The following MYL9 variants were observed in gnomAD, a reference collection of about 807,000 sequenced individuals.
MYL9 encodes myosin light chain 9, also known as myosin regulatory light polypeptide 9.
A neutral mutation model predicts 12.8 loss-of-function variants in MYL9; 7 were observed. That is an observed-to-expected ratio of 0.55 (90% confidence interval 0.31 to 1.03). MYL9 has a LOEUF of 1.03. MYL9 is among the 50% of genes least tolerant of loss of function. MYL9 has a pLI of 0.05. For synonymous variants in MYL9, 81 were observed against 87.8 expected (o/e 0.92, Z 0.43); for missense variants, 190 against 242.7 (o/e 0.78, Z 1.44).
intron 1 of MYL9, 48 bp from the exon 2 acceptor site, chr20:36,544,811 C>T: frequency 6.7e-7 from 1 of 1,497,558 alleles, no homozygotes; most frequent in Non-Finnish European, 9.0e-7. Flanking sequence ...CAGGAAGATT[C>T]CCTGGCCCAG....
intron 2 of MYL9, among the ~76,000 whole-genome samples, chr20:36,546,026 C>T (rs1409351591): frequency 6.6e-6 from 1 of 152,232 alleles, no homozygotes; most frequent in Non-Finnish European, 1.5e-5. Flanking sequence ...GGCGGCCAGA[C>T]CAGCTCCCCT....
In MYL9 at chr20:36,545,071, G is replaced by A. The variant is rs1348538624; in HGVS notation, c.184+3G>A. On this transcript the variant is annotated splice_donor_region_variant and intron_variant, in intron 2 of 3. Coordinates refer to ENST00000279022, the MANE Select transcript of MYL9 (RefSeq NM_006097.5). ...GCACGACATGCTGGCCTCGCTGGGT[G>A]AGCTGGGACAGGGACAGGGGTGAGA... 1 of 1,613,494 alleles carries A rather than the reference G, an allele frequency of 6.2e-7. No individual in the cohort carries two copies. The highest frequency in any genetic ancestry group is 1.7e-5 in the Admixed American group (1 of 59,974).
At chr20:36,543,703 G>A (rs2038062440) in intron 1 of MYL9, among the ~76,000 whole-genome samples, 1 of 152,226 alleles carries the variant, frequency 6.6e-6, no homozygotes, top group South Asian at 2.1e-4. Flanking sequence ...GCCTGGGATT[G>A]GTGTAAACTG....
rs548270164 is a variant in MYL9 at position 36,544,895 on chromosome 20, A to C, written c.11A>C (p.Lys4Thr). 1.9e-6 allele frequency: 3 copies of C among 1,613,206 alleles called. No individual in the cohort carries two copies. The East Asian group carries it at 6.7e-5, about 36-fold the overall frequency. MSS[K>T]RAKAKTTKKR... ...CCACCAGAAGCCAAGATGTCCAGCA[A>C]GCGGGCCAAAGCCAAGACCACCAAG... Residue 4 changes from lysine (K) to threonine (T), a missense_variant, in exon 2 of 4, where the codon AAG (lysine) becomes ACG (threonine). Coordinates refer to ENST00000279022, the MANE Select transcript of MYL9 (RefSeq NM_006097.5).
In MYL9 at chr20:36,549,410, C is replaced by T. The variant is rs1467483577; in HGVS notation, c.*161C>T. The T allele has an allele frequency of 7.6e-6, 5 of 660,642 alleles. No individual in the cohort carries two copies. In the Admixed American group the frequency reaches 1.2e-4, roughly 15 times the overall value. 40.9% of individuals were successfully genotyped at this position (660,642 alleles called of 1,614,324 possible). A position where few individuals can be genotyped will look rare whatever the true frequency, so the allele number is the denominator to read the frequency against. On this transcript the variant is annotated 3_prime_UTR_variant, in exon 4 of 4. Transcript: ENST00000279022. ...AGAAACAGGCCAGGAGAAGTGCGTG[C>T]CGAGCTGAGGCAGATGTTCCCACAG...
At chr20:36,544,771 C>A in intron 1 of MYL9, 88 bp from the exon 2 acceptor site, 1 of 1,138,314 alleles carries the variant, frequency 8.8e-7, no homozygotes, top group Non-Finnish European at 1.2e-6. Flanking sequence ...GAATGCCAGG[C>A]CGAAGTGCTA....
Position 36,549,209 on chromosome 20 carries a change from C to G in MYL9, c.479C>G (p.Thr160Ser), listed in dbSNP as rs1182884994. The G allele has an allele frequency of 3.1e-6, 5 of 1,613,930 alleles. No homozygotes were observed. The highest frequency in any genetic ancestry group is 4.2e-6 in the Non-Finnish European group (5 of 1,179,980). ...KKGNFNYVEFTRILKHGAKDK... is the reference protein window; with the variant it reads ...KKGNFNYVEFSRILKHGAKDK... Reference sequence around the variant, plus strand: ...GGCAACTTCAACTACGTGGAGTTCACCCGCATCCTCAAACATGGCGCCAAG... The same window carrying G: ...GGCAACTTCAACTACGTGGAGTTCAGCCGCATCCTCAAACATGGCGCCAAG... The change falls in exon 4 of 4, where the codon ACC becomes AGC. Residue 160 changes from threonine to serine, a missense_variant. Transcript: ENST00000279022.
At chr20:36,548,528 T>C (rs527970915) in intron 3 of MYL9, among the ~76,000 whole-genome samples, 4 of 152,302 alleles carry the variant, frequency 2.6e-5, no homozygotes, top group African/African-American at 9.6e-5. Context: ...GGATATTCCA[T>C]CCCTCAGCTC....
Position 36,541,603 on chromosome 20 carries a change from G to A in MYL9, c.-27+42G>A, listed in dbSNP as rs141530573. The A allele has an allele frequency of 4.2e-3, 640 of 152,604 alleles. 3 individuals are homozygous for A. The highest frequency in any genetic ancestry group is 6.0e-3 in the Non-Finnish European group (411 of 68,238). 9.5% of individuals were successfully genotyped at this position (152,604 alleles called of 1,614,324 possible). A position where few individuals can be genotyped will look rare whatever the true frequency, so the allele number is the denominator to read the frequency against. ...CGGGGGTCTTGAGGACAGGCCTAAC[G>A]GCCCAGGGCTGGAGATGAGAGGTGG... is the stretch of plus-strand genomic sequence containing the variant. On this transcript the variant is annotated intron_variant, in intron 1 of 3. Transcript: ENST00000279022.
At chr20:36,545,437 C>T (rs906116499) in intron 2 of MYL9, among the ~76,000 whole-genome samples, 4 of 147,928 alleles carry the variant, frequency 2.7e-5, no homozygotes, top group Admixed American at 1.4e-4. Flanking sequence ...GCGGAGGTTG[C>T]AGTGAGCCGA....
rs2038144779 is a variant in MYL9 at position 36,549,461 on chromosome 20, C to T, written c.*212C>T. The stretch of plus-strand genomic sequence containing the variant: ...TGACCCCAGAGCCCTGGGCTATAGT[C>T]TCTGACCCCTCCAAGGAAAGACCAC... On this transcript the variant is annotated 3_prime_UTR_variant, in exon 4 of 4. Coordinates refer to ENST00000279022, the MANE Select transcript of MYL9 (RefSeq NM_006097.5). 3.8e-6 allele frequency: 2 copies of T among 526,214 alleles called. No individual in the cohort carries two copies. Among genetic ancestry groups the T allele is most frequent in the Admixed American group, 6.5e-5 (2 of 30,568 alleles). 32.6% of individuals were successfully genotyped at this position (526,214 alleles called of 1,614,324 possible). A position where few individuals can be genotyped will look rare whatever the true frequency, so the allele number is the denominator to read the frequency against.
At chr20:36,541,884 C>T (rs999735240) in intron 1 of MYL9, among the ~76,000 whole-genome samples, 6 of 151,686 alleles carry the variant, frequency 4.0e-5, no homozygotes, top group Non-Finnish European at 8.8e-5. Context: ...CCCAGAGCTC[C>T]GGGGGGGGCT....
At chr20:36,546,885 C>T (rs1045743774) in intron 2 of MYL9, among the ~76,000 whole-genome samples, 3 of 152,128 alleles carry the variant, frequency 2.0e-5, no homozygotes, top group African/African-American at 7.2e-5. Context: ...GTGTGAGCTA[C>T]CACGCCTGGC....
intron 3 of MYL9, 111 bp from the exon 4 acceptor site, chr20:36,548,966 T>C: frequency 1.8e-6 from 2 of 1,124,480 alleles, no homozygotes; most frequent in Admixed American, 5.0e-5. Flanking sequence ...TAAGATTGTA[T>C]CTTCCCAGCC....
rs2038074527 is a variant in MYL9, at chr20:36,544,744, A to T, written c.-26-115A>T. On this transcript the variant is annotated intron_variant, in intron 1 of 3. Coordinates refer to ENST00000279022, the MANE Select transcript of MYL9 (RefSeq NM_006097.5). ...GAAGAACTGGGTGGTGGGAGCCCCA[A>T]ATCCGTGGGCAGCCTTGAATGCCAG... 1.2e-5 allele frequency: 10 copies of T among 824,542 alleles called. No homozygotes were observed. In the Admixed American group the frequency reaches 2.9e-4, roughly 24 times the overall value. The allele number at this position is 824,542 out of a possible 1,614,324, so 51.1% of individuals were successfully genotyped here. A position where few individuals can be genotyped will look rare whatever the true frequency, so the allele number is the denominator to read the frequency against.
intron 1 of MYL9, among the ~76,000 whole-genome samples, chr20:36,541,913 G>C (rs923215330): frequency 6.6e-6 from 1 of 152,124 alleles, no homozygotes; most frequent in African/African-American, 2.4e-5. Context: ...CGGGTACAAG[G>C]GTGCTGGGGA....
At chr20:36,543,363 G>A (rs2038058920) in intron 1 of MYL9, among the ~76,000 whole-genome samples, 1 of 152,204 alleles carries the variant, frequency 6.6e-6, no homozygotes, top group Admixed American at 6.5e-5. Context: ...CAGAGTCATG[G>A]GAGGAAGGCC....
Position 36,548,098 on chromosome 20 carries a change from C to T in MYL9, c.251C>T (p.Thr84Ile). Residue 84 changes from threonine (T) to isoleucine (I), a missense_variant, in exon 3 of 4, where the codon ACC (threonine) becomes ATC (isoleucine). Physicochemically the swap from Thr to Ile is moderately conservative, Grantham distance 89. Coordinates refer to ENST00000279022, the MANE Select transcript of MYL9 (RefSeq NM_006097.5). The stretch of plus-strand genomic sequence containing the variant: ...GAGGCCCCGGGGCCCATCAACTTCA[C>T]CATGTTCCTCACCATGTTTGGGGAG... ...MSEAPGPINF[T>I]MFLTMFGEKL... 6.2e-7 allele frequency: 1 copy of T among 1,613,986 alleles called. No homozygotes were observed. Among genetic ancestry groups the T allele is most frequent in the South Asian group, 1.1e-5 (1 of 91,074 alleles).
At position 36,544,964 on chromosome 20, in the gene MYL9, A is replaced by G. The variant is rs1271001351; in HGVS notation, c.80A>G (p.Asp27Gly). The change falls in exon 2 of 4, where the codon GAC becomes GGC. Residue 27 changes from aspartate to glycine, a missense_variant. By Grantham distance (94) the Asp-to-Gly change is moderately conservative (BLOSUM62 -1). Coordinates refer to ENST00000279022, the MANE Select transcript of MYL9 (RefSeq NM_006097.5). ...ACATCCAATGTCTTCGCAATGTTTGACCAGTCCCAGATCCAGGAGTTTAAG... is the reference window on the plus strand; with the variant it reads ...ACATCCAATGTCTTCGCAATGTTTGGCCAGTCCCAGATCCAGGAGTTTAAG... ...RATSNVFAMF[D>G]QSQIQEFKEA... 1.9e-6 allele frequency: 3 copies of G among 1,613,694 alleles called. No individual in the cohort carries two copies. Among genetic ancestry groups the G allele is most frequent in the Middle Eastern group, 1.7e-4 (1 of 6,060 alleles).
Sources: allele counts gnomAD v4.1 joint callset (sites outside exome capture counted in the v4.1 genomes callset), GRCh38; gene constraint gnomAD v4.1.1; transcripts MANE v1.5; gene names NCBI Gene and HGNC (gene_info 2026-07-23, HGNC 2026-07-21).